The following PRTG variants were observed in gnomAD, a reference collection of about 807,000 sequenced individuals.
The protein encoded by PRTG is immunoglobulin superfamily, DCC subclass, member 5.
PRTG carries 67 observed loss-of-function variants against 122.5 expected under a neutral mutation model. That is an observed-to-expected ratio of 0.55 (90% CI 0.45 to 0.67). PRTG has a LOEUF of 0.67. Ranked by LOEUF, PRTG falls within the 30% of genes least tolerant of loss-of-function variation. The pLI is 0.00. For missense variants in PRTG, 1,435 were observed against 1,415.4 expected (o/e 1.01, Z -0.22); for synonymous variants, 554 against 501.1 (o/e 1.11, Z -1.41).
At chr15:55,687,294 T>A (rs2059575793) in intron 2 of PRTG, among the ~76,000 whole-genome samples, 1 of 152,214 alleles carries the variant, frequency 6.6e-6, no homozygotes, top group African/African-American at 2.4e-5. Context: ...CTGGCATTTT[T>A]TTTAGAGACA....
At chr15:55,649,942 T>C (rs1028666406) in intron 11 of PRTG, among the ~76,000 whole-genome samples, 6 of 152,278 alleles carry the variant, frequency 3.9e-5, no homozygotes, top group African/African-American at 1.4e-4. Context: ...ACCACACTAC[T>C]TGGGTTTTGG....
Position 55,642,180 on chromosome 15 carries a change from C to CAAAAA in PRTG, c.2042-977_2042-973dup, listed in dbSNP as rs761440348. On this transcript the variant is annotated intron_variant, in intron 11 of 19. Transcript: ENST00000389286. ...TGGGCGACAGAGCGAGACTCCGTCT[C>CAAAAA]AAAAAAAAAAAAAAAAAAAAAAATA... Among the ~76,000 whole-genome samples the CAAAAA allele has an allele frequency of 5.4e-3, 362 of 66,726 alleles. 3 individuals carry two copies. The highest frequency in any genetic ancestry group is 0.023 in the Middle Eastern group (2 of 88). 43.8% of individuals were successfully genotyped at this position (66,726 alleles called of 152,430 possible).
intron 15 of PRTG, among the ~76,000 whole-genome samples, chr15:55,636,910 G>A (rs2059260663): frequency 6.6e-6 from 1 of 152,154 alleles, no homozygotes; most frequent in Non-Finnish European, 1.5e-5. Context: ...GCCTCACAAA[G>A]TGCTGAGATT....
Position 55,743,111 on chromosome 15 carries a change from C to T in PRTG, c.-180G>A, listed in dbSNP as rs2031675149. 1 of 1,276,288 alleles carries T rather than the reference C, an allele frequency of 7.8e-7. No homozygotes were observed. Among genetic ancestry groups the T allele is most frequent in the Non-Finnish European group, 9.8e-7 (1 of 1,015,998 alleles). The allele number at this position is 1,276,288 out of a possible 1,614,324, so 79.1% of individuals were successfully genotyped here. A position where few individuals can be genotyped will look rare whatever the true frequency, so the allele number is the denominator to read the frequency against. On this transcript the variant is annotated 5_prime_UTR_variant, in exon 1 of 20. Coordinates refer to ENST00000389286, the MANE Select transcript of PRTG (RefSeq NM_173814.6). ...CGAGGCTGGTGCTCGGACGGCCGCT[C>T]GCGAGAAGCAAGGGGCCTGAGAGTC...
intron 2 of PRTG, among the ~76,000 whole-genome samples, chr15:55,736,147 C>T (rs1214299753): frequency 2.0e-5 from 3 of 152,096 alleles, no homozygotes; most frequent in Non-Finnish European, 4.4e-5. Flanking sequence ...ATGACTTTTA[C>T]TCATGTTTTA....
chr15:55,727,035 G>A (rs1325636921), intron 2 of PRTG, among the ~76,000 whole-genome samples: 1 of 151,374 alleles, frequency 6.6e-6, no homozygotes, highest in Non-Finnish European at 1.5e-5. Context: ...GGAAACTGGT[G>A]GCTATAAACA....
rs544120458 is a variant in PRTG at position 55,707,686 on chromosome 15, G to A, written c.398-23755C>T. ...AGAAACTTGCAGCTCATATTTCATC[G>A]GCTGTCAAGCGTCACATTCATTCAA... On this transcript the variant is annotated intron_variant, in intron 2 of 19. Transcript: ENST00000389286. Among the ~76,000 whole-genome samples, 11 of 152,208 alleles carry A rather than the reference G, an allele frequency of 7.2e-5. No homozygotes were observed. In the South Asian group the frequency reaches 1.7e-3, roughly 23 times the overall value.
At chr15:55,654,615 T>A (rs1461891944) in intron 11 of PRTG, among the ~76,000 whole-genome samples, 1 of 152,220 alleles carries the variant, frequency 6.6e-6, no homozygotes, top group East Asian at 1.9e-4. Context: ...ACTTGACTCA[T>A]GCTACTGTAC....
At chr15:55,728,529 A>AG (rs34933845) in intron 2 of PRTG, among the ~76,000 whole-genome samples, 56,265 of 152,034 alleles carry the variant, frequency 0.37, 12,883 homozygotes, top group Non-Finnish European at 0.52. Context: ...GATACAAAAA[A>AG]GGCATTTGAA....
intron 11 of PRTG, among the ~76,000 whole-genome samples, chr15:55,643,333 T>C (rs576798206): frequency 1.3e-5 from 2 of 152,330 alleles, no homozygotes; most frequent in African/African-American, 4.8e-5. Context: ...TTGACTATCC[T>C]ATAGAAAATG....
chr15:55,711,921 T>C (rs778988338), intron 2 of PRTG, among the ~76,000 whole-genome samples: 45 of 152,142 alleles, frequency 3.0e-4, no homozygotes, highest in Non-Finnish European at 5.4e-4. Context: ...TCAATGAATG[T>C]GGATGTAAAT....
intron 15 of PRTG, among the ~76,000 whole-genome samples, 185 bp downstream of exon 15, chr15:55,636,985 G>A (rs949977956): frequency 6.6e-6 from 1 of 152,100 alleles, no homozygotes; most frequent in African/African-American, 2.4e-5. Flanking sequence ...TAACCTTTTT[G>A]AAATACAAAC....
intron 11 of PRTG, among the ~76,000 whole-genome samples, chr15:55,652,410 T>G (rs941013212): frequency 6.6e-6 from 1 of 152,184 alleles, no homozygotes; most frequent in Non-Finnish European, 1.5e-5. Flanking sequence ...TAATTTAATC[T>G]TTTGTGCTAC....
intron 2 of PRTG, among the ~76,000 whole-genome samples, chr15:55,716,164 C>T (rs1037609617): frequency 1.3e-5 from 2 of 152,148 alleles, no homozygotes; most frequent in African/African-American, 2.4e-5. Flanking sequence ...ACCCTAGAGG[C>T]GGAAGTTGCA....
intron 2 of PRTG, among the ~76,000 whole-genome samples, chr15:55,709,145 CAAAAAAAAAAAAA>C (rs3985769): frequency 1.9e-5 from 1 of 51,832 alleles, no homozygotes; most frequent in Non-Finnish European, 3.3e-5. Context: ...GACTCTGTCT[CAAAAAAAAAAAAA>C]AAAAAAAAAA....
chr15:55,652,365 G>C (rs2141756242), intron 11 of PRTG, among the ~76,000 whole-genome samples: 1 of 152,272 alleles, frequency 6.6e-6, no homozygotes, highest in South Asian at 2.1e-4. Context: ...AAAGTCTGAA[G>C]GATGAAACCT....
chr15:55,624,868 G>T (rs7173180), intron 17 of PRTG, among the ~76,000 whole-genome samples: 45,656 of 152,098 alleles, frequency 0.3, 8,812 homozygotes, highest in East Asian at 0.95. Flanking sequence ...GGTAAATTTA[G>T]AGTAGTACTT....
chr15:55,680,215 A>G lies in PRTG; in HGVS notation c.815-3T>C, dbSNP rs1177658319. 1 of 1,605,068 alleles carries G rather than the reference A, an allele frequency of 6.2e-7. No individual in the cohort carries two copies. The highest frequency in any genetic ancestry group is 1.1e-5 in the South Asian group (1 of 90,624). The stretch of plus-strand genomic sequence containing the variant: ...AAAGACATCAATGGATTTGTGATCT[A>G]TTTCAAAGAGAATACTTCAGTTTAA... On this transcript the variant is annotated splice_region_variant and splice_polypyrimidine_tract_variant and intron_variant, in intron 5 of 19. Coordinates refer to ENST00000389286, the MANE Select transcript of PRTG (RefSeq NM_173814.6).
chr15:55,678,981 C>A (rs1381553918), intron 7 of PRTG, among the ~76,000 whole-genome samples: 1 of 152,152 alleles, frequency 6.6e-6, no homozygotes, highest in East Asian at 1.9e-4. Context: ...AATATGCTTT[C>A]TTGTGGTAAC....
Sources: allele counts gnomAD v4.1 joint callset (sites outside exome capture counted in the v4.1 genomes callset), GRCh38; gene constraint gnomAD v4.1.1; transcripts MANE v1.5; gene names NCBI Gene and HGNC (gene_info 2026-07-23, HGNC 2026-07-21).